Variants in NTRK3 observed in about 807,000 individuals in gnomAD.
NTRK3 encodes NT-3 growth factor receptor.
NTRK3 carries 24 observed loss-of-function variants against 91.7 expected under a neutral mutation model. That is an observed-to-expected ratio of 0.26 (90% CI 0.19 to 0.37). The LOEUF is 0.37. Ranked by LOEUF, NTRK3 falls within the 10% of genes least tolerant of loss-of-function variation. NTRK3 has a pLI of 1.00. For synonymous variants in NTRK3, 483 were observed against 404.0 expected (o/e 1.20, Z -2.34); for missense variants, 880 against 1,068.9 (o/e 0.82, Z 2.46).
At chr15:88,151,818 T>G (rs556197462) in intron 5 of NTRK3, among the ~76,000 whole-genome samples, 62 of 152,270 alleles carry the variant, frequency 4.1e-4, no homozygotes, top group Non-Finnish European at 8.4e-4. Flanking sequence ...GTCTTAGGAT[T>G]TGCATGTGTA....
intron 14 of NTRK3, among the ~76,000 whole-genome samples, chr15:88,031,099 A>G (rs1206430244): frequency 2.0e-5 from 3 of 152,252 alleles, no homozygotes; most frequent in African/African-American, 7.2e-5. Flanking sequence ...AATGTTAATG[A>G]ATCAACAACA....
chr15:87,866,523 ATG>A (rs2064683395), exon 19 of NTRK3: 1 of 170,812 alleles, frequency 5.9e-6, no homozygotes, highest in Non-Finnish European at 1.3e-5. Context: ...TTATTTTAAT[ATG>A]TATATATATT....
At chr15:87,980,069 C>T (rs1347017168) in intron 14 of NTRK3, among the ~76,000 whole-genome samples, 3 of 152,262 alleles carry the variant, frequency 2.0e-5, no homozygotes, top group African/African-American at 2.4e-5. Context: ...TAGAGAGTAA[C>T]GGCTGATCTC....
intron 14 of NTRK3, among the ~76,000 whole-genome samples, chr15:87,946,458 A>C (rs962642332): frequency 5.9e-5 from 9 of 152,116 alleles, no homozygotes; most frequent in African/African-American, 2.2e-4. Context: ...CTTAAAAGAA[A>C]CTTGTTTGCT....
intron 6 of NTRK3, among the ~76,000 whole-genome samples, chr15:88,140,513 C>T (rs984051646): frequency 6.6e-6 from 1 of 152,214 alleles, no homozygotes; most frequent in Non-Finnish European, 1.5e-5. Flanking sequence ...TCCATTCACT[C>T]TCAAACAAAA....
At chr15:87,927,543 T>C (rs2068425748) in intron 17 of NTRK3, 1 of 152,218 alleles carries the variant, frequency 6.6e-6, no homozygotes, top group African/African-American at 2.4e-5. Flanking sequence ...ATCCTGGCAA[T>C]ACACTGAATG....
At chr15:87,875,040 T>C (rs1490425980) in exon 19 of NTRK3, 4 of 230,476 alleles carry the variant, frequency 1.7e-5, no homozygotes, top group East Asian at 1.2e-4. Context: ...ATAAAAATAT[T>C]TGTGGGTCTA....
At position 88,149,250 on chromosome 15, in the gene NTRK3, C is replaced by T. The variant is rs1212095338; in HGVS notation, c.396-1847G>A. ...GTGCAGTGGCTTGGTTCCACCCCAG[C>T]CTGAACTGGCTAGGTCCCTGAGATG... On this transcript the variant is annotated intron_variant, in intron 5 of 18. Transcript: ENST00000394480. Among the ~76,000 whole-genome samples the T allele has an allele frequency of 3.9e-5, 6 of 152,240 alleles. No individual in the cohort carries two copies. The South Asian group carries it at 1.0e-3, about 26-fold the overall frequency.
chr15:88,127,279 G>T (rs1369714852), intron 11 of NTRK3, 53 bp from the exon 12 acceptor site: 25 of 1,498,046 alleles, frequency 1.7e-5, no homozygotes, highest in Non-Finnish European at 2.2e-5. Context: ...GGCTGGGGAG[G>T]CTCAGCCACA....
chr15:88,063,490 C>T (rs1035228373), intron 13 of NTRK3, among the ~76,000 whole-genome samples: 2 of 152,184 alleles, frequency 1.3e-5, no homozygotes, highest in Non-Finnish European at 2.9e-5. Context: ...ACCCGTGTTC[C>T]CCACTGGGTG....
At chr15:88,028,751 CTCCCCAGA>C (rs1414772508) in intron 14 of NTRK3, among the ~76,000 whole-genome samples, 1 of 152,182 alleles carries the variant, frequency 6.6e-6, no homozygotes, top group Non-Finnish European at 1.5e-5. Context: ...GCAGTTGCCT[CTCCCCAGA>C]TGGTCTCTGT....
At chr15:87,940,530 G>C (rs1042946555) in intron 15 of NTRK3, 93 bp downstream of exon 15, 1 of 1,582,054 alleles carries the variant, frequency 6.3e-7, no homozygotes, top group Non-Finnish European at 8.7e-7. Context: ...AGCCAATTGA[G>C]CACTATCTTC....
chr15:88,069,903 G>A (rs2046962656), intron 13 of NTRK3, among the ~76,000 whole-genome samples: 1 of 152,150 alleles, frequency 6.6e-6, no homozygotes, highest in Non-Finnish European at 1.5e-5. Flanking sequence ...CTGGCACTTG[G>A]AAAGTCAGAA....
chr15:87,933,244 A>G, intron 15 of NTRK3, 60 bp from the exon 16 acceptor site: 2 of 1,556,208 alleles, frequency 1.3e-6, no homozygotes, highest in Non-Finnish European at 1.8e-6. Flanking sequence ...TGTCTTTTCT[A>G]CTCCTGGAAA....
chr15:88,033,048 G>A lies in NTRK3; in HGVS notation c.1397-3C>T. ...ACCACTGATGACAGCCACGGGACCT[G>A]CACACACCAAGAGAGACGCAGGACC... On this transcript the variant is annotated splice_region_variant and splice_polypyrimidine_tract_variant and intron_variant, in intron 13 of 18. Coordinates refer to ENST00000394480, the Ensembl canonical transcript of NTRK3. The A allele has an allele frequency of 6.4e-7, 1 of 1,573,240 alleles. No individual in the cohort carries two copies. Among genetic ancestry groups the A allele is most frequent in the Non-Finnish European group, 8.6e-7 (1 of 1,158,942 alleles).
chr15:88,066,762 T>C (rs2046684883), intron 13 of NTRK3, among the ~76,000 whole-genome samples: 1 of 152,152 alleles, frequency 6.6e-6, no homozygotes, highest in African/African-American at 2.4e-5. Flanking sequence ...AGTGCCAGCC[T>C]GGGATGGACT....
At chr15:88,038,297 G>A (rs901253173) in intron 13 of NTRK3, among the ~76,000 whole-genome samples, 7 of 152,132 alleles carry the variant, frequency 4.6e-5, no homozygotes, top group African/African-American at 1.7e-4. Context: ...TCAGACTCTT[G>A]CCCCATTCCC....
chr15:88,152,909 A>T (rs963990594), intron 5 of NTRK3, among the ~76,000 whole-genome samples: 1 of 152,148 alleles, frequency 6.6e-6, no homozygotes, highest in South Asian at 2.1e-4. Context: ...ATTAAAAGAG[A>T]TAACAGACAA....
intron 13 of NTRK3, among the ~76,000 whole-genome samples, chr15:88,059,563 G>A (rs1397916378): frequency 6.7e-6 from 1 of 149,732 alleles, no homozygotes; most frequent in Non-Finnish European, 1.5e-5. Context: ...CAAACTCTCT[G>A]GCAAGCACCC....
Sources: allele counts gnomAD v4.1 joint callset (sites outside exome capture counted in the v4.1 genomes callset), GRCh38; gene constraint gnomAD v4.1.1; transcripts MANE v1.5; gene names NCBI Gene and HGNC (gene_info 2026-07-23, HGNC 2026-07-21).